The following BSN variants were observed in gnomAD, a reference collection of about 807,000 sequenced individuals.
BSN encodes the protein bassoon presynaptic cytomatrix protein.
In BSN, 57 loss-of-function variants were observed where a neutral mutation model predicts 264.8. That is an observed-to-expected ratio of 0.22 (90% confidence interval 0.17 to 0.27). The LOEUF (loss-of-function observed/expected upper bound fraction) is 0.27, where lower values mean the gene tolerates loss of function less well. BSN is among the 10% of genes least tolerant of loss of function. BSN has a pLI of 1.00. For synonymous variants in BSN, 2,059 were observed against 2,137.3 expected, an observed-to-expected ratio of 0.96 and a Z score of 1.01; for missense variants, 4,615 against 5,232.5, an observed-to-expected ratio of 0.88 and a Z score of 3.64.
intron 3 of BSN, among the ~76,000 whole-genome samples, chr3:49,644,809 G>A (rs1338769475): frequency 1.3e-5 from 2 of 152,172 alleles, no homozygotes; most frequent in East Asian, 1.9e-4. Context: ...TAAGCAGAAT[G>A]TGCACGAATG....
rs1465745514 is a variant in BSN, at chr3:49,557,197, T to G, written c.224+2371T>G. 3.3e-5 allele frequency among the ~76,000 whole-genome samples: 5 copies of G among 152,152 alleles called. No individual in the cohort carries two copies. The East Asian group carries it at 5.8e-4, about 18-fold the overall frequency. On this transcript the variant is annotated intron_variant, in intron 1 of 11. Transcript: ENST00000296452. ...GTCCCTCAAGGAAGGGCTCTCTGCT[T>G]CTGGTGTCAGGGTGGCCATGTACAA...
chr3:49,635,448 G>A (rs887398970), intron 2 of BSN, among the ~76,000 whole-genome samples: 4 of 152,026 alleles, frequency 2.6e-5, no homozygotes, highest in Admixed American at 1.3e-4. Flanking sequence ...CTTGCTGGGT[G>A]GAGCAAAACA....
intron 1 of BSN, among the ~76,000 whole-genome samples, chr3:49,610,155 G>A (rs550179141): frequency 4.6e-5 from 7 of 152,198 alleles, no homozygotes; most frequent in Non-Finnish European, 7.4e-5. Context: ...CTCCTTCTGG[G>A]AGCCCCCAGA....
intron 3 of BSN, among the ~76,000 whole-genome samples, chr3:49,643,802 T>C (rs1245135442): frequency 6.6e-6 from 1 of 152,214 alleles, no homozygotes; most frequent in East Asian, 1.9e-4. Context: ...TGCTTCTCTT[T>C]CCCACAGGAA....
chr3:49,664,361 C>T (rs1390340356), intron 8 of BSN, 62 bp from the exon 9 acceptor site: 2 of 1,608,934 alleles, frequency 1.2e-6, no homozygotes, highest in Non-Finnish European at 1.7e-6. Context: ...GGGTACTTGC[C>T]CTCTTAGACC....
intron 1 of BSN, among the ~76,000 whole-genome samples, chr3:49,575,012 C>A (rs1174703833): frequency 6.6e-6 from 1 of 152,046 alleles, no homozygotes; most frequent in Admixed American, 6.6e-5. Flanking sequence ...GTTGATGAGA[C>A]TCTTCTGGAA....
Position 49,650,739 on chromosome 3 carries a change from G to A in BSN, c.1646G>A (p.Gly549Glu). The A allele has an allele frequency of 6.2e-7, 1 of 1,613,532 alleles. No individual in the cohort carries two copies. Among genetic ancestry groups the A allele is most frequent in the Non-Finnish European group, 8.5e-7 (1 of 1,179,934 alleles). ...GTAGGGGCCCCTCACCGTGCATCTG[G>A]AACATCCCCTCTGAAGCAGAAAGGG... The part of the protein sequence containing the change: ...PPVGAPHRAS[G>E]TSPLKQKGPQ... Residue 549 changes from glycine (G) to glutamate (E), a missense_variant, in exon 4 of 12, where the codon GGA (glycine) becomes GAA (glutamate). This residue lies in a region of BSN where 1,197 missense variants were observed against 1,348.0 expected (regional missense o/e 0.89). Transcript: ENST00000296452.
Position 49,650,982 on chromosome 3 carries a change from C to T in BSN, c.1889C>T (p.Pro630Leu), listed in dbSNP as rs759938192. The T allele has an allele frequency of 3.7e-6, 6 of 1,614,160 alleles. No individual in the cohort carries two copies. Among genetic ancestry groups the T allele is most frequent in the Non-Finnish European group, 5.1e-6 (6 of 1,180,018 alleles). ...PKPPPETTPT[P>L]ATPKVKSGVR... The stretch of plus-strand genomic sequence containing the variant: ...CCACCTCCAGAGACTACCCCAACCC[C>T]TGCGACTCCTAAAGTAAAGAGTGGG... The change falls in exon 4 of 12, where the codon CCT (proline) becomes CTT (leucine). Residue 630 changes from proline (P) to leucine (L), a missense_variant. By Grantham distance (98) the Pro-to-Leu change is moderately conservative (BLOSUM62 -3). Coordinates refer to ENST00000296452, the MANE Select transcript of BSN (RefSeq NM_003458.4).
chr3:49,582,009 A>G (rs1308106340), intron 1 of BSN, among the ~76,000 whole-genome samples: 1 of 152,106 alleles, frequency 6.6e-6, no homozygotes, highest in Non-Finnish European at 1.5e-5. Flanking sequence ...ATATAAACCT[A>G]AGAGTGGAAT....
Position 49,652,113 on chromosome 3 carries a change from G to T in BSN, c.2557G>T (p.Glu853Ter). 6.2e-7 allele frequency: 1 copy of T among 1,613,254 alleles called. No individual in the cohort carries two copies. ...ACGGCAGATTCTCGAGATGAGCGCC[G>T]AGGAAGACAACCTGGAGGAGGATGA... Reference protein sequence around the residue: ...MRRQILEMSAEEDNLEEDDTA... With the variant: ...MRRQILEMSA The change falls in exon 5 of 12, where the codon GAG becomes TAG. Residue 853 changes from glutamate to a stop codon, truncating the protein, a stop_gained. Transcript: ENST00000296452. LOFTEE classifies it high-confidence loss of function.
At chr3:49,643,210 G>T in intron 3 of BSN, 58 bp downstream of exon 3, 1 of 1,539,970 alleles carries the variant, frequency 6.5e-7, no homozygotes, top group South Asian at 1.3e-5. Flanking sequence ...GGCCTGGGTA[G>T]TGAGTGTCAT....
In BSN at chr3:49,656,632, C is replaced by T; in HGVS notation, c.7076C>T (p.Ala2359Val). Residue 2359 changes from alanine (A) to valine (V), a missense_variant, in exon 5 of 12, where the codon GCA becomes GTA. Ala to Val is a moderately conservative substitution (Grantham distance 64). This residue lies in a region of BSN where 3,415 missense variants were observed against 3,866.4 expected (regional missense o/e 0.88). Coordinates refer to ENST00000296452, the MANE Select transcript of BSN (RefSeq NM_003458.4). The part of the protein sequence containing the change: ...LSRPGFEKEE[A>V]SQEERQRKQQ... ...CGGCCAGGGTTCGAGAAAGAGGAAG[C>T]ATCACAGGAGGAGAGGCAGCGGAAG... The T allele has an allele frequency of 6.2e-7, 1 of 1,609,336 alleles. No individual in the cohort carries two copies. Among genetic ancestry groups the T allele is most frequent in the Non-Finnish European group, 8.5e-7 (1 of 1,177,892 alleles).
chr3:49,605,580 T>TTA (rs554224619), intron 1 of BSN, among the ~76,000 whole-genome samples: 150 of 1,404 alleles, frequency 0.11, 25 homozygotes, highest in African/African-American at 0.23. Context: ...ATTATATATA[T>TTA]TATATATTTA....
rs200708484 is a variant in BSN, at chr3:49,654,423, G to A, written c.4867G>A (p.Ala1623Thr). Residue 1623 changes from alanine (A) to threonine (T), a missense_variant, in exon 5 of 12, where the codon GCA (alanine) becomes ACA (threonine). Transcript: ENST00000296452. The surrounding 1 kb of genome is among the most constrained non-coding windows in gnomAD (Gnocchi z 4.1). ...PGFPRVPSAG[A>T]DGPLALYGWG... ...CTTTCCACGGGTGCCCAGTGCTGGT[G>A]CAGATGGGCCCCTGGCACTATATGG... is the stretch of plus-strand genomic sequence containing the variant. 2.0e-4 allele frequency: 317 copies of A among 1,600,050 alleles called. 1 individual carries two copies. Among genetic ancestry groups the A allele is most frequent in the Non-Finnish European group, 2.5e-4 (295 of 1,174,038 alleles).
rs765522249 is a variant in BSN, at chr3:49,670,557, T to C, written c.*3072T>C. On this transcript the variant is annotated 3_prime_UTR_variant, in exon 12 of 12. Transcript: ENST00000296452. ...CTTCCTGGCCCTTGCATGGATGCAG[T>C]TGTGACTCTGGGGACAATGCAGCCA... 7.9e-5 allele frequency: 12 copies of C among 152,222 alleles called. No individual in the cohort carries two copies. Among genetic ancestry groups the C allele is most frequent in the Non-Finnish European group, 1.8e-4 (12 of 68,048 alleles). The allele number at this position is 152,222 out of a possible 1,614,324, so 9.4% of individuals were successfully genotyped here.
At chr3:49,613,068 G>A (rs1248519402) in intron 1 of BSN, among the ~76,000 whole-genome samples, 1 of 152,136 alleles carries the variant, frequency 6.6e-6, no homozygotes, top group Non-Finnish European at 1.5e-5. Context: ...GGGAGGCGGA[G>A]GTAGCAGTGA....
At chr3:49,617,186 G>C (rs549389936) in intron 1 of BSN, among the ~76,000 whole-genome samples, 2 of 151,788 alleles carry the variant, frequency 1.3e-5, no homozygotes, top group Admixed American at 6.6e-5. Flanking sequence ...GTTAATAGGT[G>C]TAGCAAACCA....
At position 49,554,739 on chromosome 3, in the gene BSN, TC is replaced by T; in HGVS notation, c.141del (p.Ala48ArgfsTer84). Reference protein sequence around the residue: ...PPSAPAGGGQLPAAGAARSTA... With the variant: ...PPSAPAGGGQXPAAGAARSTA... ...TCAGCACCGGCCGGTGGCGGACAGC[TC>T]CCCGCGGCGGGAGCAGCGCGGTCGA... On this transcript the variant is annotated frameshift_variant, in exon 1 of 12. Coordinates refer to ENST00000296452, the MANE Select transcript of BSN (RefSeq NM_003458.4). LOFTEE classifies it high-confidence loss of function. 1 of 1,228,056 alleles carries T rather than the reference TC, an allele frequency of 8.1e-7. No individual in the cohort carries two copies. The allele number at this position is 1,228,056 out of a possible 1,614,324, so 76.1% of individuals were successfully genotyped here. A position where few individuals can be genotyped will look rare whatever the true frequency, so the allele number is the denominator to read the frequency against.
At position 49,583,115 on chromosome 3, in the gene BSN, C is replaced by T. The variant is rs143991793; in HGVS notation, c.224+28289C>T. ...TCCAGAGTAGCTGGGATTACAGGTG[C>T]GTGCAACTACTCCTGGCTAATTTTT... On this transcript the variant is annotated intron_variant, in intron 1 of 11. Transcript: ENST00000296452. Among the ~76,000 whole-genome samples, 8 of 152,056 alleles carry T rather than the reference C, an allele frequency of 5.3e-5. No homozygotes were observed. In the East Asian group the frequency reaches 7.8e-4, roughly 15 times the overall value.
Sources: allele counts gnomAD v4.1 joint callset (sites outside exome capture counted in the v4.1 genomes callset), GRCh38; gene constraint gnomAD v4.1.1; regional missense constraint gnomAD v4.1.1; non-coding constraint Gnocchi (gnomAD v3.1); transcripts MANE v1.5; gene names NCBI Gene and HGNC (gene_info 2026-07-23, HGNC 2026-07-21).